NSUN6: variants seen among roughly 807,000 people sequenced by gnomAD.
NSUN6 encodes tRNA (cytosine(72)-C(5))-methyltransferase NSUN6.
Under a neutral mutation model 58.0 loss-of-function variants are expected in NSUN6, and 64 were observed. The observed-to-expected ratio is 1.10, with a 90% CI of 0.90 to 1.36. The LOEUF is 1.36. Among genes scored for constraint, NSUN6 ranks in the 40% most tolerant of loss-of-function variants. The probability of loss-of-function intolerance (pLI) is 0.00; values close to 1 mark genes in which losing one functional copy is unlikely to be tolerated. For synonymous variants in NSUN6, 231 were observed against 193.9 expected, an observed-to-expected ratio of 1.19 and a Z score of -1.59; for missense variants, 701 against 550.1, an observed-to-expected ratio of 1.27 and a Z score of -2.74.
chr10:18,573,928 A>T (rs2056521387), intron 8 of NSUN6, among the ~76,000 whole-genome samples: 1 of 152,130 alleles, frequency 6.6e-6, no homozygotes, highest in Non-Finnish European at 1.5e-5. Flanking sequence ...GTAAACTGTT[A>T]TATCGAAAAT....
chr10:18,596,107 TC>T (rs1331156452), intron 7 of NSUN6, 100 bp downstream of exon 7: 27 of 966,436 alleles, frequency 2.8e-5, no homozygotes, highest in Non-Finnish European at 4.3e-5. Flanking sequence ...TTTGGCTGAA[TC>T]TGAACTAAAT....
At chr10:18,573,487 T>C (rs2056495405) in intron 8 of NSUN6, among the ~76,000 whole-genome samples, 2 of 151,582 alleles carry the variant, frequency 1.3e-5, no homozygotes, top group South Asian at 4.2e-4. Context: ...CATTGCATTC[T>C]CCATACCATT....
At chr10:18,590,780 A>T (rs1296112604) in intron 7 of NSUN6, among the ~76,000 whole-genome samples, 1 of 152,194 alleles carries the variant, frequency 6.6e-6, no homozygotes, top group Non-Finnish European at 1.5e-5. Context: ...AATTTATAGC[A>T]CTAAATGCCC....
intron 8 of NSUN6, among the ~76,000 whole-genome samples, chr10:18,571,969 T>C (rs1589907153): frequency 6.6e-6 from 1 of 151,280 alleles, no homozygotes; most frequent in Non-Finnish European, 1.5e-5. Flanking sequence ...TTCCACTCCA[T>C]TCACCACTGC....
At chr10:18,594,668 C>G (rs1043490637) in intron 7 of NSUN6, among the ~76,000 whole-genome samples, 1 of 152,134 alleles carries the variant, frequency 6.6e-6, no homozygotes, top group African/African-American at 2.4e-5. Context: ...CCTGGATGGT[C>G]TCGATCTCTT....
chr10:18,622,837 T>C (rs1026967808), intron 3 of NSUN6, among the ~76,000 whole-genome samples: 8 of 152,244 alleles, frequency 5.3e-5, no homozygotes, highest in Non-Finnish European at 8.8e-5. Context: ...GTTAATGTTC[T>C]AGCCTGCTTG....
upstream of NSUN6, chr10:18,653,351 C>G: frequency 1.0e-6 from 1 of 980,180 alleles, no homozygotes; most frequent in Non-Finnish European, 1.2e-6. Context: ...GTGCCACACA[C>G]GGACAGAATT....
At position 18,600,959 on chromosome 10, in the gene NSUN6, T is replaced by TATATATATATATATATACAC; in HGVS notation, c.658-4633_658-4632insGTGTATATATATATATATAT. Reference sequence around the variant, plus strand: ...AAAAAAAAATATATATATATATATATACATATATATATATATATGTATATA... The same window carrying TATATATATATATATATACAC: ...AAAAAAAAATATATATATATATATATATATATATATATATATACACACATATATATATATATATGTATATA... On this transcript the variant is annotated intron_variant, in intron 6 of 10. Transcript: ENST00000377304. Among the ~76,000 whole-genome samples the TATATATATATATATATACAC allele has an allele frequency of 7.5e-3, 489 of 64,834 alleles. 7 individuals carry two copies. The highest frequency in any genetic ancestry group is 0.012 in the Non-Finnish European group (393 of 32,626). 42.5% of individuals were successfully genotyped at this position (64,834 alleles called of 152,430 possible). A position where few individuals can be genotyped will look rare whatever the true frequency, so the allele number is the denominator to read the frequency against.
At chr10:18,578,028 T>G (rs1327896440) in intron 8 of NSUN6, among the ~76,000 whole-genome samples, 1 of 152,240 alleles carries the variant, frequency 6.6e-6, no homozygotes, top group Non-Finnish European at 1.5e-5. Flanking sequence ...TCTACAGAAG[T>G]AAATCGCCTT....
chr10:18,639,277 G>T (rs1193166508), intron 3 of NSUN6, among the ~76,000 whole-genome samples: 2 of 152,168 alleles, frequency 1.3e-5, no homozygotes, highest in African/African-American at 4.8e-5. Context: ...GGCGGATCAT[G>T]AAGTCAGAAG....
At chr10:18,558,700 A>T (rs12570793) in intron 8 of NSUN6, among the ~76,000 whole-genome samples, 44,470 of 138,350 alleles carry the variant, frequency 0.32, 7,790 homozygotes, top group East Asian at 0.71. Flanking sequence ...GAATGGCGGA[A>T]GGAATGGAAT....
intron 7 of NSUN6, among the ~76,000 whole-genome samples, chr10:18,590,109 C>T (rs986713763): frequency 6.6e-6 from 1 of 152,032 alleles, no homozygotes; most frequent in South Asian, 2.1e-4. Context: ...GGTTGCAATC[C>T]TAGTCTCTGA....
intron 3 of NSUN6, among the ~76,000 whole-genome samples, chr10:18,635,280 T>G (rs1054961675): frequency 1.3e-5 from 2 of 152,206 alleles, no homozygotes; most frequent in Non-Finnish European, 2.9e-5. Context: ...TCTTTTCCCT[T>G]GCTGGTTTTG....
At chr10:18,624,107 C>T (rs971592087) in intron 3 of NSUN6, among the ~76,000 whole-genome samples, 3 of 151,824 alleles carry the variant, frequency 2.0e-5, no homozygotes, top group African/African-American at 7.3e-5. Context: ...ATTCAAGTAC[C>T]ACTGTATTTT....
intron 8 of NSUN6, among the ~76,000 whole-genome samples, chr10:18,581,004 G>A (rs1181394896): frequency 6.6e-6 from 1 of 152,200 alleles, no homozygotes; most frequent in Non-Finnish European, 1.5e-5. Flanking sequence ...TGGGCGACTT[G>A]AGAGATCAAG....
At chr10:18,628,775 C>T (rs752880659) in intron 3 of NSUN6, among the ~76,000 whole-genome samples, 9 of 152,084 alleles carry the variant, frequency 5.9e-5, no homozygotes, top group Non-Finnish European at 1.0e-4. Flanking sequence ...AAATCTACGT[C>T]GATTGGTGTA....
At chr10:18,594,607 C>T (rs1421248051) in intron 7 of NSUN6, among the ~76,000 whole-genome samples, 3 of 152,136 alleles carry the variant, frequency 2.0e-5, no homozygotes, top group African/African-American at 7.2e-5. Flanking sequence ...CGCCACCATG[C>T]CCAGCTACTT....
intron 5 of NSUN6, among the ~76,000 whole-genome samples, chr10:18,612,677 G>A (rs905435179): frequency 6.6e-6 from 1 of 152,120 alleles, no homozygotes; most frequent in African/African-American, 2.4e-5. Flanking sequence ...TTCTGACCAC[G>A]CCTACCAGAA....
rs1554888577 is a variant in NSUN6 at position 18,648,650 on chromosome 10, A to AAG, written c.76-6_76-5insCT. The AAG allele has an allele frequency of 8.5e-6, 13 of 1,537,690 alleles. No individual in the cohort carries two copies. The highest frequency in any genetic ancestry group is 3.5e-5 in the Admixed American group (2 of 57,436). On this transcript the variant is annotated splice_region_variant and splice_polypyrimidine_tract_variant and intron_variant, in intron 1 of 10. Transcript: ENST00000377304. The stretch of plus-strand genomic sequence containing the variant: ...TTTACCTAAAGCAGTCACAATCTAA[A>AAG]AAGAAGTTCATGTTTAAATTTCCTG...
Sources: allele counts gnomAD v4.1 joint callset (sites outside exome capture counted in the v4.1 genomes callset), GRCh38; gene constraint gnomAD v4.1.1; transcripts MANE v1.5; gene names NCBI Gene and HGNC (gene_info 2026-07-23, HGNC 2026-07-21).